The following RBFOX1 variants were observed in gnomAD, a reference collection of about 807,000 sequenced individuals.
RBFOX1 encodes the protein RNA binding fox-1 homolog 1.
RBFOX1 carries 8 observed loss-of-function variants against 57.7 expected under a neutral mutation model. The observed-to-expected ratio is 0.14, with a 90% CI of 0.08 to 0.25. RBFOX1 has a LOEUF of 0.25. Ranked by LOEUF, RBFOX1 falls within the 10% of genes least tolerant of loss-of-function variation. The pLI is 1.00. For synonymous variants in RBFOX1, 326 were observed against 222.4 expected (o/e 1.47, Z -4.15); for missense variants, 611 against 548.5 (o/e 1.11, Z -1.14).
At chr16:6,647,378 G>A (rs572823599) in intron 2 of RBFOX1, among the ~76,000 whole-genome samples, 1 of 152,232 alleles carries the variant, frequency 6.6e-6, no homozygotes, top group East Asian at 1.9e-4. Flanking sequence ...CCAAGTAGCT[G>A]GGATTATAGA....
chr16:6,779,392 C>A (rs1391407523), intron 3 of RBFOX1, among the ~76,000 whole-genome samples: 3 of 151,706 alleles, frequency 2.0e-5, no homozygotes, highest in African/African-American at 7.3e-5. Flanking sequence ...ATGTATGTAC[C>A]ACATTTTTTC....
chr16:5,855,641 G>A (rs760149861), intron 3 of RBFOX1, among the ~76,000 whole-genome samples: 1 of 152,030 alleles, frequency 6.6e-6, no homozygotes. Context: ...ACTGTATTTC[G>A]AAATCAGAAC....
At chr16:7,138,702 C>G (rs961526905) in intron 4 of RBFOX1, among the ~76,000 whole-genome samples, 1 of 152,158 alleles carries the variant, frequency 6.6e-6, no homozygotes, top group African/African-American at 2.4e-5. Flanking sequence ...CATCATCTCC[C>G]AGATATATAG....
intron 2 of RBFOX1, among the ~76,000 whole-genome samples, chr16:6,474,622 C>A (rs2095244568): frequency 6.6e-6 from 1 of 152,008 alleles, no homozygotes; most frequent in Non-Finnish European, 1.5e-5. Context: ...GGTGTGGTGC[C>A]CCAAGTGGGG....
chr16:6,179,452 G>A (rs2097044614), intron 1 of RBFOX1, among the ~76,000 whole-genome samples: 1 of 152,160 alleles, frequency 6.6e-6, no homozygotes, highest in Non-Finnish European at 1.5e-5. Flanking sequence ...CTGACCCCAT[G>A]TTGGGACTCT....
chr16:6,233,146 G>A (rs553230820), intron 1 of RBFOX1, among the ~76,000 whole-genome samples: 2 of 152,130 alleles, frequency 1.3e-5, no homozygotes, highest in African/African-American at 2.4e-5. Context: ...GTATGAGCCC[G>A]ATCACAAAGC....
chr16:5,825,638 C>T lies in RBFOX1; in HGVS notation c.319-41665C>T, dbSNP rs530544592. ...GTAAGGACATTAAGGACGTTGACAG[C>T]GTTGTACAGCCATCACCACTGTCTG... On this transcript the variant is annotated intron_variant, in intron 3 of 19. Transcript: ENST00000641259. Among the ~76,000 whole-genome samples the T allele has an allele frequency of 1.2e-4, 18 of 152,242 alleles. No individual in the cohort carries two copies. In the East Asian group the frequency reaches 2.5e-3, roughly 21 times the overall value.
chr16:7,312,222 A>C (rs975089559), intron 4 of RBFOX1, among the ~76,000 whole-genome samples: 3 of 152,216 alleles, frequency 2.0e-5, no homozygotes, highest in Non-Finnish European at 4.4e-5. Context: ...TCTACTAAAA[A>C]TACAAAAATT....
intron 3 of RBFOX1, among the ~76,000 whole-genome samples, chr16:5,844,837 G>T (rs2056712753): frequency 6.6e-6 from 1 of 152,114 alleles, no homozygotes; most frequent in South Asian, 2.1e-4. Flanking sequence ...CTTACACGTT[G>T]AGATCCTAGT....
chr16:5,983,155 C>T (rs1403844244), intron 4 of RBFOX1, among the ~76,000 whole-genome samples: 1 of 152,156 alleles, frequency 6.6e-6, no homozygotes, highest in East Asian at 1.9e-4. Flanking sequence ...TGCGTCCCTG[C>T]CCCCCATTAC....
At chr16:6,861,870 C>T (rs76517803) in intron 3 of RBFOX1, among the ~76,000 whole-genome samples, 3 of 117,150 alleles carry the variant, frequency 2.6e-5, no homozygotes, top group Non-Finnish European at 4.9e-5. Flanking sequence ...CTAGCTTGCA[C>T]TTTCTCCCTG....
intron 2 of RBFOX1, among the ~76,000 whole-genome samples, chr16:6,493,477 G>A (rs1242249071): frequency 6.6e-6 from 1 of 152,034 alleles, no homozygotes; most frequent in African/African-American, 2.4e-5. Context: ...GCTAAAAGTT[G>A]TATACAGTAC....
intron 1 of RBFOX1, among the ~76,000 whole-genome samples, chr16:6,159,600 TC>T (rs1408323795): frequency 6.6e-6 from 1 of 152,134 alleles, no homozygotes; most frequent in Non-Finnish European, 1.5e-5. Flanking sequence ...AAGTTTGCCT[TC>T]CCCTCCTGCT....
intron 3 of RBFOX1, among the ~76,000 whole-genome samples, chr16:7,050,665 A>T (rs749690172): frequency 6.6e-6 from 1 of 152,110 alleles, no homozygotes; most frequent in East Asian, 1.9e-4. Context: ...TAACAACTAA[A>T]TGGTGTCTTT....
intron 3 of RBFOX1, among the ~76,000 whole-genome samples, chr16:5,728,920 C>A (rs919046286): frequency 6.6e-6 from 1 of 152,178 alleles, no homozygotes; most frequent in Admixed American, 6.5e-5. Context: ...GACAATATCA[C>A]CTCTCAACCT....
At chr16:7,091,613 G>T (rs572168300) in intron 4 of RBFOX1, among the ~76,000 whole-genome samples, 1 of 152,118 alleles carries the variant, frequency 6.6e-6, no homozygotes, top group East Asian at 1.9e-4. Context: ...GTTACACTTG[G>T]CAGAAACTCC....
At position 5,494,163 on chromosome 16, in the gene RBFOX1, C is replaced by G. The variant is rs1363456745; in HGVS notation, c.258+26909C>G. ...TCCCTGTCAGAGCTCCAGAAGGAAA[C>G]TGAGTCTGAATTCTTAATATGCCTT... is the stretch of plus-strand genomic sequence containing the variant. On this transcript the variant is annotated intron_variant, in intron 2 of 2. Transcript: ENST00000585867. Among the ~76,000 whole-genome samples, 6 of 152,320 alleles carry G rather than the reference C, an allele frequency of 3.9e-5. No homozygotes were observed. In the East Asian group the frequency reaches 1.2e-3, roughly 29 times the overall value.
At chr16:5,405,487 C>A (rs759000681) in intron 1 of RBFOX1, among the ~76,000 whole-genome samples, 2 of 152,172 alleles carry the variant, frequency 1.3e-5, no homozygotes, top group Non-Finnish European at 2.9e-5. Flanking sequence ...CCATGTGGAA[C>A]TGTGAGTCCA....
intron 5 of RBFOX1, among the ~76,000 whole-genome samples, chr16:7,547,100 G>T (rs1196705466): frequency 1.3e-5 from 2 of 152,000 alleles, no homozygotes; most frequent in Non-Finnish European, 2.9e-5. Context: ...TAAAATGCCT[G>T]AAGAAAGGAG....
Sources: allele counts gnomAD v4.1 joint callset (sites outside exome capture counted in the v4.1 genomes callset), GRCh38; gene constraint gnomAD v4.1.1; transcripts MANE v1.5; gene names NCBI Gene and HGNC (gene_info 2026-07-23, HGNC 2026-07-21).